EXTL3: variants seen among roughly 807,000 people sequenced by gnomAD.
EXTL3 encodes the protein exostosin like glycosyltransferase 3.
In EXTL3, 27 loss-of-function variants were observed where a neutral mutation model predicts 69.3. That is an observed-to-expected ratio of 0.39 (90% CI 0.29 to 0.54). The LOEUF is 0.54. Ranked by LOEUF, EXTL3 falls within the 20% of genes least tolerant of loss-of-function variation. The probability of loss-of-function intolerance (pLI) is 0.69; values close to 1 mark genes in which losing one functional copy is unlikely to be tolerated. For missense variants in EXTL3, 1,003 were observed against 1,231.8 expected, an observed-to-expected ratio of 0.81 and a Z score of 2.78; for synonymous variants, 511 against 499.4, an observed-to-expected ratio of 1.02 and a Z score of -0.31.
At chr8:28,665,441 A>C in intron 1 of EXTL3, among the ~76,000 whole-genome samples, 1 of 132,940 alleles carries the variant, frequency 7.5e-6, no homozygotes. Flanking sequence ...TTTTTTTGAG[A>C]CAGGGTCTTG....
intron 5 of EXTL3, chr8:28,740,953 T>A (rs1296730183): frequency 6.6e-6 from 1 of 152,206 alleles, no homozygotes; most frequent in Non-Finnish European, 1.5e-5. Context: ...AATTAAACTT[T>A]TTTTTTTCTC....
intron 2 of EXTL3, among the ~76,000 whole-genome samples, chr8:28,613,336 A>G (rs1388630304): frequency 1.3e-5 from 2 of 151,962 alleles, no homozygotes; most frequent in African/African-American, 4.8e-5. Context: ...GGCAACTGCT[A>G]CCACGCCCAG....
In EXTL3 at chr8:28,751,123, ACT is replaced by A; in HGVS notation, c.*260_*261del. The A allele has an allele frequency of 1.9e-6, 1 of 528,930 alleles. No individual in the cohort carries two copies. The highest frequency in any genetic ancestry group is 3.1e-5 in the Admixed American group (1 of 31,820). The allele number at this position is 528,930 out of a possible 1,614,324, so 32.8% of individuals were successfully genotyped here. On this transcript the variant is annotated 3_prime_UTR_variant, in exon 7 of 7. Transcript: ENST00000220562. ...ATAGCTTACACTGAGGACTGTGGCGACTCTGCAGAGTCACTCACACCGTTCGT... is the reference window on the plus strand; with the variant it reads ...ATAGCTTACACTGAGGACTGTGGCGACTGCAGAGTCACTCACACCGTTCGT...
intron 1 of EXTL3, among the ~76,000 whole-genome samples, chr8:28,712,425 A>G (rs1456327932): frequency 6.6e-6 from 1 of 152,108 alleles, no homozygotes; most frequent in Non-Finnish European, 1.5e-5. Flanking sequence ...AGTGCATTGT[A>G]GGGGCAGGAA....
intron 1 of EXTL3, among the ~76,000 whole-genome samples, chr8:28,682,056 T>A (rs1807498892): frequency 6.6e-6 from 1 of 152,202 alleles, no homozygotes; most frequent in Admixed American, 6.5e-5. Flanking sequence ...CGAAACTCCG[T>A]CTCAAACAAC....
At chr8:28,730,921 A>G (rs1801521171) in intron 3 of EXTL3, among the ~76,000 whole-genome samples, 1 of 152,136 alleles carries the variant, frequency 6.6e-6, no homozygotes, top group Non-Finnish European at 1.5e-5. Context: ...CTCTTGGGAG[A>G]GTTGTTTTTA....
chr8:28,723,402 G>T (rs545068486), intron 3 of EXTL3, among the ~76,000 whole-genome samples: 1 of 152,172 alleles, frequency 6.6e-6, no homozygotes, highest in Non-Finnish European at 1.5e-5. Flanking sequence ...TATAAAACAA[G>T]GCTACCCCGA....
intron 3 of EXTL3, among the ~76,000 whole-genome samples, chr8:28,722,793 AAAAG>A (rs1423160174): frequency 2.0e-4 from 30 of 151,808 alleles, no homozygotes; most frequent in East Asian, 3.9e-4. Flanking sequence ...AAAAAAAAAA[AAAAG>A]AGAGATACAA....
chr8:28,702,261 G>A (rs1158451835), intron 1 of EXTL3, among the ~76,000 whole-genome samples: 1 of 152,168 alleles, frequency 6.6e-6, no homozygotes, highest in Non-Finnish European at 1.5e-5. Context: ...GCCGCTTCCT[G>A]TCCGAGGGTC....
intron 1 of EXTL3, among the ~76,000 whole-genome samples, chr8:28,702,404 A>C: frequency 6.6e-6 from 1 of 152,094 alleles, no homozygotes; most frequent in Non-Finnish European, 1.5e-5. Flanking sequence ...CGGGGACAGC[A>C]CCTATTCCGA....
Position 28,716,185 on chromosome 8 carries a change from C to T in EXTL3, c.126C>T (p.Phe42=), listed in dbSNP as rs1801140649. The T allele has an allele frequency of 2.5e-6, 4 of 1,614,222 alleles. No homozygotes were observed. The highest frequency in any genetic ancestry group is 3.4e-6 in the Non-Finnish European group (4 of 1,180,046). The change falls in exon 3 of 7, where the codon TTC becomes TTT. Residue 42 remains phenylalanine, a synonymous_variant. Coordinates refer to ENST00000220562, the MANE Select transcript of EXTL3 (RefSeq NM_001440.4). The surrounding 1 kb of genome is among the most constrained non-coding windows in gnomAD (Gnocchi z 7.1). ...TCACGCTCTTTGTCATCCTGGTCTT[C>T]TTCCCGCTCATCGCCCACTATTACC... ...LSFTLFVILV[F]FPLIAHYYLT...
chr8:28,739,630 A>G (rs1235953037), intron 5 of EXTL3, among the ~76,000 whole-genome samples: 1 of 152,144 alleles, frequency 6.6e-6, no homozygotes, highest in Non-Finnish European at 1.5e-5. Flanking sequence ...CGTGCCTGAC[A>G]TATAGGGACG....
At chr8:28,699,712 T>C (rs556983382), upstream of EXTL3, 2 of 152,412 alleles carry the variant, frequency 1.3e-5, no homozygotes, top group Non-Finnish European at 1.5e-5. Context: ...TTTCACCATG[T>C]TGGCCAGGCT....
chr8:28,708,105 C>T (rs1800959296), intron 1 of EXTL3, among the ~76,000 whole-genome samples: 1 of 152,210 alleles, frequency 6.6e-6, no homozygotes, highest in African/African-American at 2.4e-5. Flanking sequence ...TACTCTTAAG[C>T]CCAAAGAATA....
At position 28,649,912 on chromosome 8, in the gene EXTL3, A is replaced by G. The variant is rs569949163; in HGVS notation, c.-53+27102A>G. Among the ~76,000 whole-genome samples, 7 of 152,190 alleles carry G rather than the reference A, an allele frequency of 4.6e-5. No homozygotes were observed. In the South Asian group the frequency reaches 1.2e-3, roughly 27 times the overall value. ...GTAATCCAAAATATAGATGTTGTTG[A>G]AAGCCCGGGCACGGTGGGTCACACC... is the stretch of plus-strand genomic sequence containing the variant. On this transcript the variant is annotated intron_variant, in intron 1 of 6. Transcript: ENST00000523149.
At chr8:28,629,039 C>T (rs1806534764) in intron 1 of EXTL3, among the ~76,000 whole-genome samples, 1 of 152,146 alleles carries the variant, frequency 6.6e-6, no homozygotes, top group Non-Finnish European at 1.5e-5. Context: ...TTTAGTTCAA[C>T]TTCCTCTTTT....
At chr8:28,730,105 G>C (rs1801507370) in intron 3 of EXTL3, 1 of 152,220 alleles carries the variant, frequency 6.6e-6, no homozygotes, top group African/African-American at 2.4e-5. Flanking sequence ...TGGACCTCCA[G>C]GGGGAGGATG....
At chr8:28,700,840 C>G (rs1385411941), upstream of EXTL3, 1 of 152,264 alleles carries the variant, frequency 6.6e-6, no homozygotes, top group African/African-American at 2.4e-5. Flanking sequence ...TGGAAACACA[C>G]AGTCACGTGT....
At chr8:28,715,042 T>C (rs1801110356) in intron 2 of EXTL3, among the ~76,000 whole-genome samples, 1 of 152,240 alleles carries the variant, frequency 6.6e-6, no homozygotes. Context: ...ACATTTTGTC[T>C]CAGGATTACT....
Sources: allele counts gnomAD v4.1 joint callset (sites outside exome capture counted in the v4.1 genomes callset), GRCh38; gene constraint gnomAD v4.1.1; non-coding constraint Gnocchi (gnomAD v3.1); transcripts MANE v1.5; gene names NCBI Gene and HGNC (gene_info 2026-07-23, HGNC 2026-07-21).